The following GABRB1 variants were observed in gnomAD, a reference collection of about 807,000 sequenced individuals.
GABRB1 encodes gamma-aminobutyric acid type A receptor subunit beta1, also known as gamma-aminobutyric acid receptor subunit beta-1.
In GABRB1, 17 loss-of-function variants were observed where a neutral mutation model predicts 51.6. The observed-to-expected ratio is 0.33, with a 90% CI of 0.23 to 0.49. GABRB1 has a LOEUF of 0.49. Among genes scored for constraint, GABRB1 ranks in the 20% least tolerant of loss-of-function variants. GABRB1 has a pLI of 0.99. For synonymous variants in GABRB1, 247 were observed against 218.9 expected (o/e 1.13, Z -1.14); for missense variants, 410 against 600.6 (o/e 0.68, Z 3.32).
At chr4:47,359,283 G>A (rs148710986) in intron 5 of GABRB1, among the ~76,000 whole-genome samples, 5 of 152,102 alleles carry the variant, frequency 3.3e-5, no homozygotes, top group African/African-American at 7.2e-5. Flanking sequence ...ACATCATGAT[G>A]GAAACATTTA....
chr4:47,143,458 C>G (rs753439057), intron 3 of GABRB1, among the ~76,000 whole-genome samples: 3 of 151,868 alleles, frequency 2.0e-5, no homozygotes, highest in African/African-American at 4.8e-5. Context: ...CAGGCACACA[C>G]ACATACACAC....
intron 3 of GABRB1, among the ~76,000 whole-genome samples, chr4:47,157,138 G>A (rs565689906): frequency 9.2e-5 from 14 of 151,736 alleles, no homozygotes; most frequent in Admixed American, 2.6e-4. Context: ...AACTTACCTC[G>A]GTGTCAAAGA....
intron 4 of GABRB1, among the ~76,000 whole-genome samples, chr4:47,297,200 C>T (rs1724034701): frequency 6.6e-6 from 1 of 150,754 alleles, no homozygotes; most frequent in Non-Finnish European, 1.5e-5. Context: ...ATTAAAAGAA[C>T]TAGAAAAGCA....
At chr4:47,366,288 C>T (rs114773120) in intron 5 of GABRB1, among the ~76,000 whole-genome samples, 1,913 of 152,240 alleles carry the variant, frequency 0.013, 40 homozygotes, top group African/African-American at 0.043. Context: ...TAATCTCTGC[C>T]GGAAAATGTA....
At chr4:47,304,727 A>G (rs1278258930) in intron 4 of GABRB1, among the ~76,000 whole-genome samples, 1 of 152,106 alleles carries the variant, frequency 6.6e-6, no homozygotes, top group African/African-American at 2.4e-5. Flanking sequence ...GGGTTGTAAC[A>G]CTAGCAGTGA....
intron 4 of GABRB1, among the ~76,000 whole-genome samples, chr4:47,233,542 C>T (rs1463349422): frequency 2.0e-5 from 3 of 152,078 alleles, no homozygotes; most frequent in Non-Finnish European, 4.4e-5. Flanking sequence ...ATATGATTCT[C>T]AATAAAGTAT....
At chr4:47,335,009 A>G (rs1578102533) in intron 5 of GABRB1, among the ~76,000 whole-genome samples, 1 of 152,320 alleles carries the variant, frequency 6.6e-6, no homozygotes, top group East Asian at 1.9e-4. Context: ...ATGTGTCAAC[A>G]GTAGAAAAGT....
chr4:47,003,773 G>GT (rs985544141), intron 1 of GABRB1, among the ~76,000 whole-genome samples: 7 of 152,150 alleles, frequency 4.6e-5, no homozygotes, highest in African/African-American at 1.7e-4. Flanking sequence ...TCTTCCTCCA[G>GT]TGAGGCGTTT....
intron 5 of GABRB1, among the ~76,000 whole-genome samples, chr4:47,373,458 G>A (rs551064844): frequency 5.1e-4 from 78 of 152,126 alleles, no homozygotes; most frequent in Admixed American, 9.2e-4. Flanking sequence ...CAAGTAATTT[G>A]GCATATCCTA....
chr4:47,029,237 T>A (rs1313955711), upstream of GABRB1, among the ~76,000 whole-genome samples: 1 of 152,016 alleles, frequency 6.6e-6, no homozygotes, highest in Admixed American at 6.6e-5. Context: ...TCTTTGACTT[T>A]ACTAGTATGT....
chr4:47,316,885 A>G (rs1424788032), intron 4 of GABRB1, among the ~76,000 whole-genome samples: 6 of 151,968 alleles, frequency 3.9e-5, no homozygotes, highest in Non-Finnish European at 5.9e-5. Flanking sequence ...TAAATTGGTA[A>G]TGACAGAGGC....
intron 5 of GABRB1, among the ~76,000 whole-genome samples, chr4:47,403,115 T>C (rs532823432): frequency 2.1e-4 from 32 of 152,314 alleles, no homozygotes; most frequent in African/African-American, 7.0e-4. Context: ...TTAAGTCCAG[T>C]AAAGCCAGAT....
At chr4:47,350,315 T>C (rs780207240) in intron 5 of GABRB1, among the ~76,000 whole-genome samples, 34 of 149,208 alleles carry the variant, frequency 2.3e-4, no homozygotes, top group Non-Finnish European at 4.3e-4. Flanking sequence ...GGCTTTTCAA[T>C]ATATGTTTCT....
At chr4:47,202,281 T>C (rs895069239) in intron 4 of GABRB1, among the ~76,000 whole-genome samples, 2 of 152,134 alleles carry the variant, frequency 1.3e-5, no homozygotes, top group Non-Finnish European at 2.9e-5. Context: ...AGAAGGTGCC[T>C]TGCTTCCCCT....
chr4:47,032,832 T>A, intron 3 of GABRB1: 1 of 461,772 alleles, frequency 2.2e-6, no homozygotes, highest in Non-Finnish European at 4.4e-6. Context: ...CCGGGCGGCC[T>A]GCACTAGGGT....
intron 5 of GABRB1, among the ~76,000 whole-genome samples, chr4:47,354,037 G>T (rs1222898022): frequency 6.6e-6 from 1 of 152,002 alleles, no homozygotes. Context: ...TCCTTTATAG[G>T]TTGGGAAATA....
intron 4 of GABRB1, among the ~76,000 whole-genome samples, chr4:47,236,438 T>G (rs1330770679): frequency 6.6e-6 from 1 of 152,158 alleles, no homozygotes; most frequent in Non-Finnish European, 1.5e-5. Context: ...CTTATGTATC[T>G]CAGTGTATTA....
intron 1 of GABRB1, among the ~76,000 whole-genome samples, chr4:47,017,744 T>A (rs1004417286): frequency 6.6e-6 from 1 of 152,168 alleles, no homozygotes; most frequent in African/African-American, 2.4e-5. Context: ...GTGACTATTT[T>A]ATGAACAGCA....
chr4:47,169,193 T>G (rs1718336619), intron 4 of GABRB1, among the ~76,000 whole-genome samples: 1 of 152,154 alleles, frequency 6.6e-6, no homozygotes, highest in Non-Finnish European at 1.5e-5. Flanking sequence ...AAAATGGAGA[T>G]ATTCTATCAT....
Sources: gnomAD v4.1 joint callset for allele counts (sites outside exome capture counted in the v4.1 genomes callset) on GRCh38, gnomAD v4.1.1 for gene constraint, MANE v1.5 for transcripts, NCBI Gene and HGNC (gene_info 2026-07-23, HGNC 2026-07-21) for gene names.